Variants in RYR2 observed in about 807,000 individuals in gnomAD.
The protein encoded by RYR2 is cardiac muscle ryanodine receptor-calcium release channel.
A neutral mutation model predicts 601.1 loss-of-function variants in RYR2; 227 were observed. The observed-to-expected ratio is 0.38, with a 90% CI of 0.34 to 0.42. The LOEUF (loss-of-function observed/expected upper bound fraction) is 0.42. Ranked by LOEUF, RYR2 falls within the 10% of genes least tolerant of loss-of-function variation. The pLI is 1.00. For missense variants in RYR2, 4,646 were observed against 6,156.5 expected, an observed-to-expected ratio of 0.75 and a Z score of 8.21; for synonymous variants, 2,223 against 2,175.1, an observed-to-expected ratio of 1.02 and a Z score of -0.61.
intron 1 of RYR2, among the ~76,000 whole-genome samples, chr1:237,216,095 A>G (rs1000920804): frequency 6.6e-6 from 1 of 152,212 alleles, no homozygotes; most frequent in Non-Finnish European, 1.5e-5. Flanking sequence ...AGCATCCTCT[A>G]TATAACTCCT....
Position 237,819,191 on chromosome 1 carries a change from A to G in RYR2, c.14589A>G (p.Gln4863=). Residue 4863 remains glutamine, a splice_region_variant and synonymous_variant, in exon 101 of 105, where the codon CAA becomes CAG. Coordinates refer to ENST00000366574, the MANE Select transcript of RYR2 (RefSeq NM_001035.3). The surrounding 1 kb of genome is among the most constrained non-coding windows in gnomAD (Gnocchi z 4.0). ...TTGTCATTCTCTTGGCCATAATACA[A>G]GGTAAGTATCCTCCTCACTGAAGCT... is the stretch of plus-strand genomic sequence containing the variant. ...FVIVILLAII[Q]GLIIDAFGEL... The G allele has an allele frequency of 6.2e-7, 1 of 1,612,744 alleles. No individual in the cohort carries two copies. The highest frequency in any genetic ancestry group is 8.5e-7 in the Non-Finnish European group (1 of 1,178,888).
intron 63 of RYR2, among the ~76,000 whole-genome samples, chr1:237,689,429 C>A (rs1000535896): frequency 3.3e-5 from 5 of 152,178 alleles, no homozygotes; most frequent in African/African-American, 9.7e-5. Context: ...TATATGTAGA[C>A]TCCATTCTAT....
chr1:237,152,033 T>A (rs1168017128), intron 1 of RYR2, among the ~76,000 whole-genome samples: 1 of 151,916 alleles, frequency 6.6e-6, no homozygotes, highest in Non-Finnish European at 1.5e-5. Flanking sequence ...GGCCCCAGTG[T>A]GTGTTGTTCC....
chr1:237,099,438 A>G (rs1368093314), intron 1 of RYR2, among the ~76,000 whole-genome samples: 1 of 151,974 alleles, frequency 6.6e-6, no homozygotes, highest in Non-Finnish European at 1.5e-5. Flanking sequence ...AGGTCTTGCT[A>G]TGTTGTCTAG....
At chr1:237,216,476 G>T (rs1302337830) in intron 1 of RYR2, among the ~76,000 whole-genome samples, 2 of 152,096 alleles carry the variant, frequency 1.3e-5, no homozygotes, top group Non-Finnish European at 2.9e-5. Flanking sequence ...GGTGGCTCAT[G>T]CCTGTAATCC....
At chr1:237,736,567 G>GCT (rs1243298473) in intron 79 of RYR2, among the ~76,000 whole-genome samples, 3 of 152,116 alleles carry the variant, frequency 2.0e-5, no homozygotes, top group East Asian at 1.9e-4. Context: ...TTATTTGCTC[G>GCT]CTCTCTCTCT....
intron 1 of RYR2, among the ~76,000 whole-genome samples, chr1:237,147,450 T>G (rs1312726413): frequency 3.3e-5 from 5 of 152,228 alleles, no homozygotes; most frequent in African/African-American, 4.8e-5. Flanking sequence ...CTTTGTGTAT[T>G]CTTTTTTCAA....
intron 42 of RYR2, 66 bp from the exon 43 acceptor site, chr1:237,633,512 A>G: frequency 1.3e-6 from 2 of 1,596,704 alleles, no homozygotes; most frequent in Non-Finnish European, 1.7e-6. Context: ...TTGAGACCTC[A>G]ACGTATGAAC....
In RYR2 at chr1:237,659,974, C is replaced by A; in HGVS notation, c.8209-11C>A. On this transcript the variant is annotated splice_polypyrimidine_tract_variant and intron_variant, in intron 54 of 104. Transcript: ENST00000366574. ...GTGTAAAACAATTTTTAATGTTTGC[C>A]TTTTTTTAAGTTGGCAAATGGATGG... 6.4e-7 allele frequency: 1 copy of A among 1,562,684 alleles called. No homozygotes were observed. Among genetic ancestry groups the A allele is most frequent in the Non-Finnish European group, 8.6e-7 (1 of 1,156,408 alleles).
At chr1:237,542,764 C>T (rs1318098945) in intron 25 of RYR2, among the ~76,000 whole-genome samples, 1 of 152,138 alleles carries the variant, frequency 6.6e-6, no homozygotes, top group Non-Finnish European at 1.5e-5. Flanking sequence ...TTGCCACAGC[C>T]CCATCAGCCT....
chr1:237,083,707 C>A (rs1446655377), intron 1 of RYR2, among the ~76,000 whole-genome samples: 1 of 152,038 alleles, frequency 6.6e-6, no homozygotes, highest in African/African-American at 2.4e-5. Flanking sequence ...ATTTCTCTGC[C>A]CCAAAATGCT....
chr1:237,308,148 A>C (rs941470744), intron 2 of RYR2, among the ~76,000 whole-genome samples: 4 of 152,266 alleles, frequency 2.6e-5, no homozygotes, highest in African/African-American at 9.6e-5. Flanking sequence ...ACCCAGACTT[A>C]GGAGTGTCCA....
At chr1:237,668,874 T>A (rs1245869357) in intron 58 of RYR2, among the ~76,000 whole-genome samples, 1 of 152,124 alleles carries the variant, frequency 6.6e-6, no homozygotes, top group Non-Finnish European at 1.5e-5. Context: ...CCACATTTTA[T>A]TTTTTATTTT....
rs1331258164 is a variant in RYR2, at chr1:237,366,839, T to C, written c.309+2467T>C. ...TGACTAGTGTGGCTGTCAAGTGTTA[T>C]TAAAGTTCACGTGGATTTTATAGCT... On this transcript the variant is annotated intron_variant, in intron 5 of 104. Transcript: ENST00000366574. Among the ~76,000 whole-genome samples, 8 of 152,300 alleles carry C rather than the reference T, an allele frequency of 5.3e-5. No homozygotes were observed. The South Asian group carries it at 8.3e-4, about 16-fold the overall frequency.
intron 79 of RYR2, among the ~76,000 whole-genome samples, chr1:237,734,811 G>T (rs1469798800): frequency 6.6e-6 from 1 of 152,216 alleles, no homozygotes; most frequent in African/African-American, 2.4e-5. Context: ...AGACATCTAA[G>T]TGGAGGTGTC....
chr1:237,464,954 C>A (rs966346872), intron 16 of RYR2, among the ~76,000 whole-genome samples: 1 of 152,094 alleles, frequency 6.6e-6, no homozygotes, highest in African/African-American at 2.4e-5. Context: ...TATTTCTCTG[C>A]ATACTTTTTC....
chr1:237,510,173 C>T (rs1222401027), intron 23 of RYR2, among the ~76,000 whole-genome samples: 1 of 152,070 alleles, frequency 6.6e-6, no homozygotes, highest in Admixed American at 6.5e-5. Context: ...GGAGAGGGCA[C>T]AGGTACCTCA....
chr1:237,201,204 A>G (rs1269898860), intron 1 of RYR2, among the ~76,000 whole-genome samples: 7 of 152,252 alleles, frequency 4.6e-5, no homozygotes, highest in Non-Finnish European at 8.8e-5. Context: ...TAGCTTCCTC[A>G]GTAACTGAAT....
At chr1:237,173,154 G>A (rs764778391) in intron 1 of RYR2, among the ~76,000 whole-genome samples, 11 of 152,004 alleles carry the variant, frequency 7.2e-5, no homozygotes, top group Non-Finnish European at 1.3e-4. Flanking sequence ...TATAGATGCT[G>A]TAGATACGAC....
Sources: gnomAD v4.1 joint callset for allele counts (sites outside exome capture counted in the v4.1 genomes callset) on GRCh38, gnomAD v4.1.1 for gene constraint, Gnocchi (gnomAD v3.1) non-coding constraint, MANE v1.5 for transcripts, NCBI Gene and HGNC (gene_info 2026-07-23, HGNC 2026-07-21) for gene names.